Variants in CSMD1 observed in about 807,000 individuals in gnomAD.
CSMD1 encodes the protein CUB and Sushi multiple domains 1.
In CSMD1, 213 loss-of-function variants were observed where a neutral mutation model predicts 417.5. The observed-to-expected ratio is 0.51, with a 90% confidence interval of 0.46 to 0.57. The LOEUF (loss-of-function observed/expected upper bound fraction) is 0.57, where lower values mean the gene tolerates loss of function less well. Among genes scored for constraint, CSMD1 ranks in the 20% least tolerant of loss-of-function variants. CSMD1 has a pLI of 0.00. For synonymous variants in CSMD1, 2,862 were observed against 1,736.8 expected (o/e 1.65, Z -16.11); for missense variants, 6,923 against 4,529.7 (o/e 1.53, Z -15.17).
chr8:4,840,526 G>A (rs962052547), intron 1 of CSMD1, among the ~76,000 whole-genome samples: 1 of 152,184 alleles, frequency 6.6e-6, no homozygotes, highest in Non-Finnish European at 1.5e-5. Flanking sequence ...GAGACTTGCT[G>A]AAGGAGCAGC....
At chr8:3,576,545 T>C (rs934818491) in intron 9 of CSMD1, among the ~76,000 whole-genome samples, 5 of 152,186 alleles carry the variant, frequency 3.3e-5, no homozygotes, top group African/African-American at 7.2e-5. Context: ...TTAGCTAAAA[T>C]TGACCTATTC....
At chr8:4,922,279 G>A (rs1041213517) in intron 1 of CSMD1, among the ~76,000 whole-genome samples, 6 of 152,084 alleles carry the variant, frequency 3.9e-5, no homozygotes, top group Admixed American at 3.3e-4. Flanking sequence ...GTTGTTTAAA[G>A]GTATAAATAG....
At chr8:4,833,253 G>T (rs1029435076) in intron 1 of CSMD1, among the ~76,000 whole-genome samples, 3 of 152,172 alleles carry the variant, frequency 2.0e-5, no homozygotes, top group African/African-American at 7.2e-5. Context: ...CTGTTCAGGA[G>T]CATGGCTGGG....
chr8:3,676,988 G>C (rs964830470), intron 7 of CSMD1, among the ~76,000 whole-genome samples: 4 of 151,896 alleles, frequency 2.6e-5, no homozygotes, highest in Non-Finnish European at 5.9e-5. Context: ...GAACATCATG[G>C]ACCGGGGCCT....
At chr8:4,531,457 A>G (rs1451916040) in intron 2 of CSMD1, among the ~76,000 whole-genome samples, 1 of 152,172 alleles carries the variant, frequency 6.6e-6, no homozygotes, top group Non-Finnish European at 1.5e-5. Context: ...GTTACTGACA[A>G]TATCTATGTG....
chr8:3,689,886 G>C (rs1057113329), intron 7 of CSMD1, among the ~76,000 whole-genome samples: 1 of 152,074 alleles, frequency 6.6e-6, no homozygotes, highest in Non-Finnish European at 1.5e-5. Flanking sequence ...CATTTCATAG[G>C]GATATTGATT....
At chr8:3,962,480 T>C (rs1470346695) in intron 5 of CSMD1, among the ~76,000 whole-genome samples, 2 of 152,232 alleles carry the variant, frequency 1.3e-5, no homozygotes, top group African/African-American at 2.4e-5. Flanking sequence ...TGTCACCCCC[T>C]GTTTATGACA....
At chr8:4,413,018 T>C (rs1796732714) in intron 3 of CSMD1, among the ~76,000 whole-genome samples, 1 of 152,324 alleles carries the variant, frequency 6.6e-6, no homozygotes, top group Non-Finnish European at 1.5e-5. Context: ...CAACTTGAAG[T>C]CTATACAATG....
chr8:3,409,122 A>T (rs1403787598), intron 13 of CSMD1, among the ~76,000 whole-genome samples: 4 of 152,232 alleles, frequency 2.6e-5, no homozygotes, highest in African/African-American at 9.7e-5. Context: ...TGTCTGATAC[A>T]GCAGATCATC....
chr8:3,586,350 C>A, intron 8 of CSMD1, 90 bp from the exon 9 acceptor site: 1 of 1,274,836 alleles, frequency 7.8e-7, no homozygotes, highest in Non-Finnish European at 1.1e-6. Flanking sequence ...ATGGCTGCTA[C>A]GATCTTGTTC....
At position 3,034,248 on chromosome 8, in the gene CSMD1, C is replaced by T. The variant is rs80054656; in HGVS notation, c.7661-4735G>A. On this transcript the variant is annotated intron_variant, in intron 50 of 69. Coordinates refer to ENST00000635120, the MANE Select transcript of CSMD1 (RefSeq NM_033225.6). ...TGATGTGGTTTCTGGCTGATGAAAT[C>T]GCCCATGCTTTTTTGTCCTTTTTTA... is the stretch of plus-strand genomic sequence containing the variant. Among the ~76,000 whole-genome samples, 770 of 152,280 alleles carry T rather than the reference C, an allele frequency of 5.1e-3. 8 individuals carry two copies. The highest frequency in any genetic ancestry group is 0.018 in the African/African-American group (737 of 41,550).
At chr8:4,142,898 T>C (rs904297116) in intron 3 of CSMD1, among the ~76,000 whole-genome samples, 1 of 150,924 alleles carries the variant, frequency 6.6e-6, no homozygotes, top group Non-Finnish European at 1.5e-5. Context: ...GACAACACAA[T>C]AGGAGAAATT....
At chr8:4,732,187 C>T (rs1007204101) in intron 1 of CSMD1, among the ~76,000 whole-genome samples, 1 of 152,030 alleles carries the variant, frequency 6.6e-6, no homozygotes, top group African/African-American at 2.4e-5. Context: ...GGTAGCAGAC[C>T]GCAGACAAGA....
chr8:3,755,439 T>C (rs567676604), intron 5 of CSMD1, among the ~76,000 whole-genome samples: 4 of 152,328 alleles, frequency 2.6e-5, no homozygotes, highest in African/African-American at 9.6e-5. Context: ...ACAAAATCTA[T>C]TTTCAAAATG....
intron 2 of CSMD1, among the ~76,000 whole-genome samples, chr8:4,467,151 GA>G (rs888236404): frequency 2.2e-5 from 3 of 137,598 alleles, no homozygotes; most frequent in African/African-American, 7.9e-5. Flanking sequence ...GAAAAAAAAA[GA>G]AAAAACAAAT....
chr8:3,035,424 A>G lies in CSMD1; in HGVS notation c.7661-5911T>C, dbSNP rs577079316. ...AGCAAGGAAGCCCAGGCTCACCCCA[A>G]CCAAGCCAGAATTTCCATCTGTGGG... On this transcript the variant is annotated intron_variant, in intron 50 of 69. Transcript: ENST00000635120. 1.6e-3 allele frequency among the ~76,000 whole-genome samples: 251 copies of G among 152,266 alleles called. 3 individuals carry two copies. Among genetic ancestry groups the G allele is most frequent in the Admixed American group, 0.016 (248 of 15,288 alleles).
intron 1 of CSMD1, among the ~76,000 whole-genome samples, chr8:4,884,074 T>G (rs1019750800): frequency 6.6e-6 from 1 of 152,060 alleles, no homozygotes; most frequent in African/African-American, 2.4e-5. Context: ...TGCATTTCCC[T>G]GATGGCAAAT....
chr8:3,654,595 G>C (rs1205159525), intron 7 of CSMD1, among the ~76,000 whole-genome samples: 1 of 152,174 alleles, frequency 6.6e-6, no homozygotes, highest in South Asian at 2.1e-4. Context: ...CATACTCAAA[G>C]ACCTCCCATA....
At chr8:2,999,821 C>A in intron 53 of CSMD1, 137 bp downstream of exon 53, 1 of 705,094 alleles carries the variant, frequency 1.4e-6, no homozygotes, top group Admixed American at 3.0e-5. Context: ...TGTTCTCTTT[C>A]TTTGTATAGG....
Sources: allele counts gnomAD v4.1 joint callset (sites outside exome capture counted in the v4.1 genomes callset), GRCh38; gene constraint gnomAD v4.1.1; transcripts MANE v1.5; gene names NCBI Gene and HGNC (gene_info 2026-07-23, HGNC 2026-07-21).